ANKFN1: variants seen among roughly 807,000 people sequenced by gnomAD.
ANKFN1 encodes ankyrin repeat and fibronectin type III domain containing 1, also known as ankyrin repeat and fibronectin type-III domain-containing protein 1.
In ANKFN1, 74 loss-of-function variants were observed where a neutral mutation model predicts 108.7. The observed-to-expected ratio is 0.68, with a 90% CI of 0.56 to 0.83. The LOEUF is 0.83. ANKFN1 is among the 40% of genes least tolerant of loss of function. The pLI, the probability that ANKFN1 is intolerant of heterozygous loss-of-function variation, is 0.00. For missense variants in ANKFN1, 1,505 were observed against 1,382.3 expected (o/e 1.09, Z -1.41); for synonymous variants, 547 against 516.2 (o/e 1.06, Z -0.81).
At chr17:56,434,237 G>A (rs1330588820) in intron 8 of ANKFN1, among the ~76,000 whole-genome samples, 2 of 152,142 alleles carry the variant, frequency 1.3e-5, no homozygotes, top group South Asian at 2.1e-4. Flanking sequence ...AAAACTAGGA[G>A]AGTACACGAT....
intron 16 of ANKFN1, among the ~76,000 whole-genome samples, chr17:56,477,889 G>T (rs778448218): frequency 5.3e-5 from 8 of 151,986 alleles, no homozygotes; most frequent in Non-Finnish European, 7.4e-5. Context: ...GTACAATGGC[G>T]CAATATCAGC....
intron 4 of ANKFN1, among the ~76,000 whole-genome samples, chr17:56,056,060 GTTT>G (rs1204522930): frequency 6.6e-6 from 1 of 151,478 alleles, no homozygotes; most frequent in East Asian, 1.9e-4. Context: ...TCTTTGCCCA[GTTT>G]TTAATGTTTT....
At chr17:56,378,571 T>C (rs912540754) in intron 8 of ANKFN1, among the ~76,000 whole-genome samples, 1 of 152,220 alleles carries the variant, frequency 6.6e-6, no homozygotes, top group Non-Finnish European at 1.5e-5. Flanking sequence ...AGGTATGAGG[T>C]AGCTACCTTC....
chr17:56,373,371 T>C (rs190448752), intron 7 of ANKFN1, among the ~76,000 whole-genome samples: 2 of 152,360 alleles, frequency 1.3e-5, no homozygotes, highest in African/African-American at 4.8e-5. Flanking sequence ...CCAATTCTTT[T>C]TGTTAGTTTA....
chr17:56,171,643 AG>A (rs1427498107), intron 1 of ANKFN1, among the ~76,000 whole-genome samples: 1 of 152,212 alleles, frequency 6.6e-6, no homozygotes, highest in African/African-American at 2.4e-5. Flanking sequence ...GCCAAGGAAA[AG>A]TTTTCTTCAT....
rs1567845936 is a variant in ANKFN1, at chr17:56,220,814, G to C, written c.13-7103G>C. ...AGGGAGGAAGGGAGGGAGGGAGGAAGGAAGGAAGGAAGGAAGGGAGGAAGG... is the reference window on the plus strand; with the variant it reads ...AGGGAGGAAGGGAGGGAGGGAGGAACGAAGGAAGGAAGGAAGGGAGGAAGG... On this transcript the variant is annotated intron_variant, in intron 2 of 20. Coordinates refer to ENST00000682825, the MANE Select transcript of ANKFN1 (RefSeq NM_001370326.1). Among the ~76,000 whole-genome samples the C allele has an allele frequency of 1.4e-4, 10 of 71,208 alleles. 1 individual carries two copies. Among genetic ancestry groups the C allele is most frequent in the African/African-American group, 3.6e-4 (5 of 13,876 alleles). The allele number at this position is 71,208 out of a possible 152,430, so 46.7% of individuals were successfully genotyped here.
chr17:56,062,419 A>T (rs993744701), intron 4 of ANKFN1, among the ~76,000 whole-genome samples: 25 of 152,140 alleles, frequency 1.6e-4, no homozygotes, highest in Non-Finnish European at 3.1e-4. Context: ...GTGCTCCTGT[A>T]TTAGGTGCAT....
At chr17:56,446,614 C>T (rs1483010997) in intron 10 of ANKFN1, among the ~76,000 whole-genome samples, 1 of 152,096 alleles carries the variant, frequency 6.6e-6, no homozygotes, top group Non-Finnish European at 1.5e-5. Context: ...TTTCTTAAAC[C>T]TCAGACAAAC....
intron 20 of ANKFN1, among the ~76,000 whole-genome samples, chr17:56,507,975 C>T (rs2051623129): frequency 6.6e-6 from 1 of 152,230 alleles, no homozygotes; most frequent in Non-Finnish European, 1.5e-5. Flanking sequence ...TATTGTCTAA[C>T]CCACTCTCTT....
chr17:56,333,395 T>G (rs1255024189), intron 4 of ANKFN1, among the ~76,000 whole-genome samples: 1 of 152,164 alleles, frequency 6.6e-6, no homozygotes, highest in African/African-American at 2.4e-5. Context: ...ATCCAATTGC[T>G]TTTTATGAAT....
intron 6 of ANKFN1, 122 bp from the exon 7 acceptor site, chr17:56,372,524 C>A: frequency 1.2e-6 from 1 of 853,722 alleles, no homozygotes; most frequent in East Asian, 2.6e-5. Context: ...AACACAGATC[C>A]CACTTTTCCC....
intron 2 of ANKFN1, among the ~76,000 whole-genome samples, chr17:56,222,107 C>T (rs1251753466): frequency 6.6e-6 from 1 of 152,176 alleles, no homozygotes; most frequent in African/African-American, 2.4e-5. Context: ...TGGCTGTTCT[C>T]AGCAGGACTG....
chr17:56,182,063 C>T (rs188930930), intron 1 of ANKFN1, among the ~76,000 whole-genome samples: 108 of 152,274 alleles, frequency 7.1e-4, no homozygotes, highest in African/African-American at 2.6e-3. Flanking sequence ...AATGCATGTA[C>T]TCTGACTGCT....
intron 8 of ANKFN1, among the ~76,000 whole-genome samples, chr17:56,428,268 A>C (rs1409467535): frequency 6.6e-6 from 1 of 151,928 alleles, no homozygotes; most frequent in Non-Finnish European, 1.5e-5. Flanking sequence ...CGTATTTATA[A>C]CTAAAGCACA....
chr17:56,113,730 A>G (rs1906105133), intron 4 of ANKFN1, among the ~76,000 whole-genome samples: 1 of 152,260 alleles, frequency 6.6e-6, no homozygotes, highest in Non-Finnish European at 1.5e-5. Flanking sequence ...AGTAAACACA[A>G]TAGCTAGTAT....
chr17:56,155,951 T>C (rs538039996), intron 1 of ANKFN1, among the ~76,000 whole-genome samples: 1 of 152,302 alleles, frequency 6.6e-6, no homozygotes, highest in South Asian at 2.1e-4. Flanking sequence ...TCACATGGTG[T>C]CTGGGAAACT....
chr17:56,445,780 T>C (rs576063216), intron 10 of ANKFN1, among the ~76,000 whole-genome samples: 47 of 152,286 alleles, frequency 3.1e-4, no homozygotes, highest in Admixed American at 5.2e-4. Context: ...TGTTATATGG[T>C]ATGGTACATA....
intron 1 of ANKFN1, among the ~76,000 whole-genome samples, chr17:56,199,744 GA>G: frequency 6.6e-6 from 1 of 152,174 alleles, no homozygotes; most frequent in East Asian, 1.9e-4. Flanking sequence ...CTGAATTTTC[GA>G]TAAACAACAA....
At chr17:56,088,792 CT>C (rs1905360653) in intron 4 of ANKFN1, among the ~76,000 whole-genome samples, 2 of 151,356 alleles carry the variant, frequency 1.3e-5, no homozygotes, top group African/African-American at 4.9e-5. Flanking sequence ...TCTCCTCCCC[CT>C]TGAGAAGAGG....
Sources: gnomAD v4.1 joint callset for allele counts (sites outside exome capture counted in the v4.1 genomes callset) on GRCh38, gnomAD v4.1.1 for gene constraint, MANE v1.5 for transcripts, NCBI Gene and HGNC (gene_info 2026-07-23, HGNC 2026-07-21) for gene names.